The following ADD3 variants were observed in gnomAD, a reference collection of about 807,000 sequenced individuals.
The protein encoded by ADD3 is adducin 3.
Under a neutral mutation model 80.2 loss-of-function variants are expected in ADD3, and 25 were observed. That is an observed-to-expected ratio of 0.31 (90% CI 0.23 to 0.44). The LOEUF (loss-of-function observed/expected upper bound fraction) is 0.44. ADD3 is among the 20% of genes least tolerant of loss of function. The pLI is 1.00. For missense variants in ADD3, 829 were observed against 847.5 expected, an observed-to-expected ratio of 0.98 and a Z score of 0.27; for synonymous variants, 284 against 289.6, an observed-to-expected ratio of 0.98 and a Z score of 0.20.
At chr10:110,089,037 T>C (rs1400079471) in intron 1 of ADD3, among the ~76,000 whole-genome samples, 1 of 152,200 alleles carries the variant, frequency 6.6e-6, no homozygotes. Flanking sequence ...AGATGTAAGA[T>C]TGGAATTTGG....
intron 12 of ADD3, among the ~76,000 whole-genome samples, chr10:110,128,714 G>A (rs1381250031): frequency 6.6e-6 from 1 of 152,204 alleles, no homozygotes; most frequent in Non-Finnish European, 1.5e-5. Context: ...ACCACGCCCA[G>A]CCAACTTTTT....
At chr10:110,124,610 G>T (rs985537506) in intron 10 of ADD3, among the ~76,000 whole-genome samples, 1 of 152,106 alleles carries the variant, frequency 6.6e-6, no homozygotes, top group Admixed American at 6.5e-5. Context: ...ACATGATACT[G>T]CTTTGTAGTT....
intron 1 of ADD3, among the ~76,000 whole-genome samples, chr10:110,033,170 T>C (rs1855255229): frequency 6.6e-6 from 1 of 152,216 alleles, no homozygotes; most frequent in Admixed American, 6.5e-5. Context: ...AAAAAGAAGA[T>C]TTTGATATAT....
At chr10:110,092,556 C>G (rs1334892305) in intron 1 of ADD3, among the ~76,000 whole-genome samples, 2 of 152,000 alleles carry the variant, frequency 1.3e-5, no homozygotes, top group Admixed American at 6.6e-5. Flanking sequence ...CAATAGACAC[C>G]CGGTCTACTT....
At chr10:110,080,798 G>A (rs1181037351) in intron 1 of ADD3, among the ~76,000 whole-genome samples, 1 of 152,188 alleles carries the variant, frequency 6.6e-6, no homozygotes, top group East Asian at 1.9e-4. Context: ...TGCTAAAACT[G>A]ACATTACTTA....
intron 11 of ADD3, 25 bp downstream of exon 11, chr10:110,125,970 G>A (rs763587513): frequency 6.3e-6 from 10 of 1,576,000 alleles, no homozygotes; most frequent in African/African-American, 1.4e-5. Context: ...TCTATAGCCA[G>A]GGGAGACATT....
chr10:110,107,975 C>A (rs565683340), intron 2 of ADD3, among the ~76,000 whole-genome samples: 1 of 152,230 alleles, frequency 6.6e-6, no homozygotes, highest in Non-Finnish European at 1.5e-5. Context: ...ACTACCTCCT[C>A]TTCTATGCTC....
intron 1 of ADD3, among the ~76,000 whole-genome samples, chr10:110,071,620 T>C (rs967419621): frequency 6.6e-6 from 1 of 152,246 alleles, no homozygotes; most frequent in Admixed American, 6.5e-5. Flanking sequence ...TTCTGTGCTT[T>C]TTTCTTTTTC....
At chr10:110,001,745 G>A (rs116839074), upstream of ADD3, among the ~76,000 whole-genome samples, 2,019 of 152,162 alleles carry the variant, frequency 0.013, 54 homozygotes, top group African/African-American at 0.046. Flanking sequence ...ATTTGGAGTA[G>A]AGCCTATGAA....
intron 1 of ADD3, among the ~76,000 whole-genome samples, chr10:110,014,252 C>T (rs901672162): frequency 2.0e-5 from 3 of 152,156 alleles, no homozygotes; most frequent in Non-Finnish European, 4.4e-5. Context: ...TCTCATTTGT[C>T]TTAATACATG....
At chr10:110,100,591 T>C in intron 1 of ADD3, 34 bp from the exon 2 acceptor site, 1 of 1,349,440 alleles carries the variant, frequency 7.4e-7, no homozygotes, top group Middle Eastern at 1.9e-4. Context: ...AATGAATTTA[T>C]CATGGATGTC....
Position 110,124,635 on chromosome 10 carries a change from C to G in ADD3, c.1401+361C>G, listed in dbSNP as rs192012689. Among the ~76,000 whole-genome samples the G allele has an allele frequency of 1.2e-3, 181 of 152,242 alleles. 2 individuals carry two copies. Among genetic ancestry groups the G allele is most frequent in the African/African-American group, 4.2e-3 (175 of 41,528 alleles). The stretch of plus-strand genomic sequence containing the variant: ...GCTTTGTAGTTTCTATTAAACTACA[C>G]CAGTAGTTTAATTCACCAGTGAATT... On this transcript the variant is annotated intron_variant, in intron 10 of 14. Coordinates refer to ENST00000356080, the MANE Select transcript of ADD3 (RefSeq NM_016824.5).
intron 6 of ADD3, among the ~76,000 whole-genome samples, chr10:110,119,000 C>T (rs1403013211): frequency 6.6e-6 from 1 of 152,154 alleles, no homozygotes; most frequent in East Asian, 1.9e-4. Flanking sequence ...TAATATTTGA[C>T]ACAGCATATA....
At chr10:110,027,111 G>A (rs1854407063) in intron 1 of ADD3, among the ~76,000 whole-genome samples, 1 of 152,174 alleles carries the variant, frequency 6.6e-6, no homozygotes, top group Non-Finnish European at 1.5e-5. Flanking sequence ...TGGAAAGATG[G>A]CTTTTAAGAT....
intron 2 of ADD3, among the ~76,000 whole-genome samples, chr10:110,102,490 T>G (rs1332245539): frequency 6.6e-6 from 1 of 152,052 alleles, no homozygotes. Flanking sequence ...GAGTCCGTAG[T>G]CTCATACTTG....
chr10:110,113,368 A>G (rs1391608667), intron 3 of ADD3, among the ~76,000 whole-genome samples: 1 of 152,150 alleles, frequency 6.6e-6, no homozygotes, highest in Non-Finnish European at 1.5e-5. Flanking sequence ...CGCAGGTTCA[A>G]GCGATTCTCC....
At chr10:110,109,326 A>G (rs376659031) in intron 2 of ADD3, among the ~76,000 whole-genome samples, 1 of 152,166 alleles carries the variant, frequency 6.6e-6, no homozygotes, top group East Asian at 1.9e-4. Flanking sequence ...TCCCATCTCT[A>G]GCAAATGCAT....
At chr10:110,047,570 A>G (rs1370302781) in intron 1 of ADD3, among the ~76,000 whole-genome samples, 4 of 152,228 alleles carry the variant, frequency 2.6e-5, no homozygotes, top group Non-Finnish European at 4.4e-5. Flanking sequence ...CATTTTATAA[A>G]TGAAAATTTG....
intron 1 of ADD3, among the ~76,000 whole-genome samples, chr10:110,035,387 A>G (rs1325315875): frequency 6.6e-6 from 1 of 152,202 alleles, no homozygotes; most frequent in Non-Finnish European, 1.5e-5. Flanking sequence ...TAAACTCACT[A>G]GAACAGCCTT....
Sources: gnomAD v4.1 joint callset for allele counts (sites outside exome capture counted in the v4.1 genomes callset) on GRCh38, gnomAD v4.1.1 for gene constraint, MANE v1.5 for transcripts, NCBI Gene and HGNC (gene_info 2026-07-23, HGNC 2026-07-21) for gene names.